The following AGBL1 variants were observed in gnomAD, a reference collection of about 807,000 sequenced individuals.
AGBL1 encodes cytosolic carboxypeptidase 4.
In AGBL1, 130 loss-of-function variants were observed where a neutral mutation model predicts 118.9. The observed-to-expected ratio is 1.09, with a 90% confidence interval of 0.95 to 1.26. The LOEUF (loss-of-function observed/expected upper bound fraction) is 1.26, where lower values mean the gene tolerates loss of function less well. Among genes scored for constraint, AGBL1 ranks in the 50% most tolerant of loss-of-function variants. The probability of loss-of-function intolerance (pLI) is 0.00; values close to 1 mark genes in which losing one functional copy is unlikely to be tolerated. For synonymous variants in AGBL1, 555 were observed against 478.9 expected, an observed-to-expected ratio of 1.16 and a Z score of -2.08; for missense variants, 1,584 against 1,298.1, an observed-to-expected ratio of 1.22 and a Z score of -3.38.
At chr15:86,184,881 A>G (rs2077607049) in intron 5 of AGBL1, among the ~76,000 whole-genome samples, 1 of 152,194 alleles carries the variant, frequency 6.6e-6, no homozygotes, top group Non-Finnish European at 1.5e-5. Flanking sequence ...CCTGACTTGA[A>G]ACTATACTAC....
In AGBL1 at chr15:86,150,607, G is replaced by A. The variant is rs535300026; in HGVS notation, c.263-3823G>A. Among the ~76,000 whole-genome samples the A allele has an allele frequency of 6.8e-4, 104 of 152,204 alleles. 1 individual carries two copies. The highest frequency in any genetic ancestry group is 2.5e-3 in the African/African-American group (102 of 41,516). On this transcript the variant is annotated intron_variant, in intron 3 of 22. Coordinates refer to ENST00000614907, the MANE Select transcript of AGBL1 (RefSeq NM_001386094.1). ...TGAATCTCTGAATAGACCAATAACA[G>A]GCTCTGAAATTGAAGCAATAAATAG...
At chr15:86,093,193 A>G (rs1355867661) in intron 1 of AGBL1, among the ~76,000 whole-genome samples, 1 of 152,176 alleles carries the variant, frequency 6.6e-6, no homozygotes, top group South Asian at 2.1e-4. Flanking sequence ...CACACAAGCT[A>G]GTCTTCACAT....
intron 22 of AGBL1, among the ~76,000 whole-genome samples, chr15:86,726,534 C>T (rs2086821356): frequency 6.6e-6 from 1 of 152,172 alleles, no homozygotes; most frequent in Admixed American, 6.5e-5. Flanking sequence ...TGGCACAATA[C>T]GCGGCTCTTA....
rs566085364 is a variant in AGBL1 at position 86,562,738 on chromosome 15, C to T, written c.2994+8201C>T. 1.8e-3 allele frequency among the ~76,000 whole-genome samples: 276 copies of T among 152,214 alleles called. 2 individuals carry two copies. The highest frequency in any genetic ancestry group is 6.1e-3 in the African/African-American group (253 of 41,522). The stretch of plus-strand genomic sequence containing the variant: ...GAATGGTACCAGCTCCTCCTTGTAC[C>T]TCTGGTAGAATTTGGCTGTGAATCC... On this transcript the variant is annotated intron_variant, in intron 21 of 22. Transcript: ENST00000614907.
At chr15:86,483,094 AG>A (rs1199123233) in intron 18 of AGBL1, among the ~76,000 whole-genome samples, 1 of 152,102 alleles carries the variant, frequency 6.6e-6, no homozygotes. Flanking sequence ...TATGTATAAA[AG>A]GAGAAACATG....
intron 17 of AGBL1, among the ~76,000 whole-genome samples, chr15:86,306,872 A>G (rs183043356): frequency 7.7e-4 from 118 of 152,288 alleles, no homozygotes; most frequent in Non-Finnish European, 1.2e-3. Flanking sequence ...CTGTGGTAAG[A>G]TGATATCGCA....
chr15:86,255,490 GCTTA>G (rs1178459761), intron 7 of AGBL1, among the ~76,000 whole-genome samples: 1 of 152,146 alleles, frequency 6.6e-6, no homozygotes, highest in Non-Finnish European at 1.5e-5. Flanking sequence ...TTGAAAGCTG[GCTTA>G]CTTAAGGCTG....
At chr15:86,589,955 G>A (rs115557063) in intron 21 of AGBL1, among the ~76,000 whole-genome samples, 2,830 of 152,200 alleles carry the variant, frequency 0.019, 74 homozygotes, top group African/African-American at 0.06. Flanking sequence ...TCTTACATAT[G>A]TAGGGGCAAA....
chr15:86,428,485 A>G (rs950747261), intron 18 of AGBL1, among the ~76,000 whole-genome samples: 10 of 152,224 alleles, frequency 6.6e-5, no homozygotes, highest in African/African-American at 2.4e-4. Flanking sequence ...ATAATCAGAA[A>G]TAATCTATTT....
intron 22 of AGBL1, among the ~76,000 whole-genome samples, chr15:86,738,753 C>G (rs1286635415): frequency 6.6e-6 from 1 of 152,104 alleles, no homozygotes. Context: ...CCTAAGAAGT[C>G]TTTAATATGC....
At chr15:86,248,729 C>T (rs2078760849) in intron 7 of AGBL1, among the ~76,000 whole-genome samples, 1 of 152,134 alleles carries the variant, frequency 6.6e-6, no homozygotes, top group Admixed American at 6.5e-5. Context: ...TAGGGAAAAC[C>T]TCCTAGCAGA....
chr15:86,400,906 G>T (rs1300907118), intron 18 of AGBL1, among the ~76,000 whole-genome samples: 3 of 151,984 alleles, frequency 2.0e-5, no homozygotes, highest in African/African-American at 7.3e-5. Context: ...CTGCAATTGC[G>T]AATTGTGCTG....
At chr15:86,307,918 C>T (rs1350919124) in intron 17 of AGBL1, among the ~76,000 whole-genome samples, 1 of 152,112 alleles carries the variant, frequency 6.6e-6, no homozygotes, top group Non-Finnish European at 1.5e-5. Context: ...ACAATTTGCT[C>T]AATGGCTTTC....
chr15:86,532,159 G>A (rs960471321), intron 19 of AGBL1, among the ~76,000 whole-genome samples: 7 of 149,676 alleles, frequency 4.7e-5, no homozygotes, highest in African/African-American at 1.5e-4. Context: ...AGGAAAAGAG[G>A]AAGTCAAATT....
chr15:87,028,878 GC>G (rs1353979464), exon 25 of AGBL1: 2 of 1,586,980 alleles, frequency 1.3e-6, no homozygotes, highest in Non-Finnish European at 1.7e-6. Context: ...TGAAGTTCAT[GC>G]CATGTGCCCA....
intron 23 of AGBL1, among the ~76,000 whole-genome samples, chr15:86,950,046 G>A (rs911833149): frequency 1.3e-5 from 2 of 151,796 alleles, no homozygotes; most frequent in Non-Finnish European, 1.5e-5. Flanking sequence ...AATAAGACAG[G>A]GGTGAAATAA....
rs189271018 is a variant in AGBL1 at position 86,581,173 on chromosome 15, A to G, written c.2994+26636A>G. Reference sequence around the variant, plus strand: ...CCTGGGTGGTCTTGACTCCTTGCTCATGGTCAACGTGAGAAGTTGTATTTC... The same window carrying G: ...CCTGGGTGGTCTTGACTCCTTGCTCGTGGTCAACGTGAGAAGTTGTATTTC... On this transcript the variant is annotated intron_variant, in intron 21 of 22. Coordinates refer to ENST00000614907, the MANE Select transcript of AGBL1 (RefSeq NM_001386094.1). Among the ~76,000 whole-genome samples the G allele has an allele frequency of 5.8e-4, 88 of 152,320 alleles. 1 individual carries two copies. Among genetic ancestry groups the G allele is most frequent in the African/African-American group, 2.0e-3 (84 of 41,578 alleles).
chr15:86,857,485 C>T (rs2079499510), intron 22 of AGBL1, among the ~76,000 whole-genome samples: 1 of 152,158 alleles, frequency 6.6e-6, no homozygotes. Context: ...AGGCTTTTCC[C>T]ATGTGACTCC....
chr15:86,131,041 C>G (rs1380308236), intron 1 of AGBL1, among the ~76,000 whole-genome samples: 1 of 152,132 alleles, frequency 6.6e-6, no homozygotes, highest in Non-Finnish European at 1.5e-5. Flanking sequence ...ACTGGACCAC[C>G]ATATGGGTCT....
Sources: gnomAD v4.1 joint callset for allele counts (sites outside exome capture counted in the v4.1 genomes callset) on GRCh38, gnomAD v4.1.1 for gene constraint, MANE v1.5 for transcripts, NCBI Gene and HGNC (gene_info 2026-07-23, HGNC 2026-07-21) for gene names.